MTOR: variants seen among roughly 807,000 people sequenced by gnomAD.
MTOR encodes the protein mechanistic target of rapamycin kinase.
Under a neutral mutation model 319.8 loss-of-function variants are expected in MTOR, and 70 were observed. That is an observed-to-expected ratio of 0.22 (90% CI 0.18 to 0.27). MTOR has a LOEUF of 0.27. MTOR is among the 10% of genes least tolerant of loss of function. MTOR has a pLI of 1.00. For missense variants in MTOR, 1,890 were observed against 3,274.4 expected, an observed-to-expected ratio of 0.58 and a Z score of 10.32; for synonymous variants, 1,183 against 1,211.4, an observed-to-expected ratio of 0.98 and a Z score of 0.49.
intron 20 of MTOR, 69 bp downstream of exon 20, chr1:11,216,079 A>G: frequency 8.8e-7 from 1 of 1,141,098 alleles, no homozygotes; most frequent in Non-Finnish European, 1.3e-6. Flanking sequence ...AGTCTATGTC[A>G]TTCAAACTTG....
intron 28 of MTOR, among the ~76,000 whole-genome samples, chr1:11,191,712 T>C (rs1269392333): frequency 6.6e-6 from 1 of 152,234 alleles, no homozygotes; most frequent in Non-Finnish European, 1.5e-5. Context: ...AAGGTTCTTC[T>C]GAGTGTTTTG....
chr1:11,209,181 T>G, intron 25 of MTOR, 131 bp downstream of exon 25: 1 of 1,071,760 alleles, frequency 9.3e-7, no homozygotes, highest in South Asian at 1.6e-5. Context: ...TGATCTAAGT[T>G]CATGGTATCT....
chr1:11,157,993 T>C (rs1644367629), intron 29 of MTOR, among the ~76,000 whole-genome samples: 2 of 152,242 alleles, frequency 1.3e-5, no homozygotes, highest in East Asian at 1.9e-4. Flanking sequence ...AAAGGAGGGA[T>C]TGCATTACCC....
chr1:11,209,601 G>A, intron 24 of MTOR, 143 bp from the exon 25 acceptor site: 1 of 913,418 alleles, frequency 1.1e-6, no homozygotes, highest in Non-Finnish European at 1.7e-6. Flanking sequence ...TGGACAAAAT[G>A]AACCACAGAT....
intron 28 of MTOR, among the ~76,000 whole-genome samples, chr1:11,169,945 G>A (rs554835240): frequency 3.1e-4 from 47 of 152,292 alleles, no homozygotes; most frequent in Non-Finnish European, 5.0e-4. Context: ...ACTTAAGTTA[G>A]GACTAGGAAG....
At chr1:11,250,183 CCG>C (rs1649458774) in intron 6 of MTOR, among the ~76,000 whole-genome samples, 1 of 139,946 alleles carries the variant, frequency 7.1e-6, no homozygotes, top group Non-Finnish European at 1.6e-5. Context: ...GGCTGACCCC[CCG>C]ACCTCCCTCC....
chr1:11,231,101 G>GA, intron 17 of MTOR, 47 bp from the exon 18 acceptor site: 1 of 1,613,674 alleles, frequency 6.2e-7, no homozygotes, highest in Non-Finnish European at 8.5e-7. Flanking sequence ...ATCACAACAT[G>GA]ATTACAACAA....
rs769457706 is a variant in MTOR at position 11,109,625 on chromosome 1, C to T, written c.7447+24G>A. 5.6e-6 allele frequency: 9 copies of T among 1,603,440 alleles called. No homozygotes were observed. Among genetic ancestry groups the T allele is most frequent in the South Asian group, 1.1e-5 (1 of 90,886 alleles). Reference sequence around the variant, plus strand: ...TTTCTTAATGAGCTAGTCACTGGTGCGGTTCCTCAGAGGCTGAACTTACTG... The same window carrying T: ...TTTCTTAATGAGCTAGTCACTGGTGTGGTTCCTCAGAGGCTGAACTTACTG... On this transcript the variant is annotated intron_variant, in intron 55 of 57. Coordinates refer to ENST00000361445, the MANE Select transcript of MTOR (RefSeq NM_004958.4). The surrounding 1 kb of genome is among the most constrained non-coding windows in gnomAD (Gnocchi z 4.0).
At chr1:11,132,714 A>T (rs971196021) in intron 38 of MTOR, 1 of 174,870 alleles carries the variant, frequency 5.7e-6, no homozygotes, top group South Asian at 1.8e-4. Context: ...CAAGGATGCA[A>T]ATCAGAAAAA....
chr1:11,111,986 A>AAAC (rs1557737305), intron 54 of MTOR, among the ~76,000 whole-genome samples: 5 of 152,092 alleles, frequency 3.3e-5, no homozygotes, highest in Admixed American at 6.6e-5. Context: ...AAACAAAAAA[A>AAAC]CCCCCCAAAA....
chr1:11,188,180 C>T (rs12122678), intron 28 of MTOR, among the ~76,000 whole-genome samples: 8,990 of 152,212 alleles, frequency 0.059, 376 homozygotes, highest in South Asian at 0.12. Flanking sequence ...AACATGGAAA[C>T]AGCAATCGTA....
At chr1:11,254,910 G>A (rs1027927495) in intron 5 of MTOR, among the ~76,000 whole-genome samples, 12 of 151,896 alleles carry the variant, frequency 7.9e-5, no homozygotes, top group Non-Finnish European at 1.3e-4. Flanking sequence ...GACCACAGGC[G>A]TGTAACACCA....
At chr1:11,204,303 C>T (rs1557840257) in intron 26 of MTOR, among the ~76,000 whole-genome samples, 2 of 152,084 alleles carry the variant, frequency 1.3e-5, no homozygotes, top group South Asian at 2.1e-4. Flanking sequence ...TACACAGTTG[C>T]TTTTAGAGTT....
chr1:11,108,814 G>T (rs997350749), intron 56 of MTOR, among the ~76,000 whole-genome samples: 9 of 151,728 alleles, frequency 5.9e-5, no homozygotes, highest in African/African-American at 2.2e-4. Context: ...GCCCAACATG[G>T]TGAAACCCCA....
chr1:11,166,884 G>T (rs190839133), intron 29 of MTOR, among the ~76,000 whole-genome samples: 50 of 152,246 alleles, frequency 3.3e-4, no homozygotes, highest in African/African-American at 1.1e-3. Context: ...AGAAAATGTG[G>T]CACATATACA....
rs767987387 is a variant in MTOR, at chr1:11,109,801, C to T, written c.7367-72G>A. 3 of 1,301,372 alleles carry T rather than the reference C, an allele frequency of 2.3e-6. No individual in the cohort carries two copies. Among genetic ancestry groups the T allele is most frequent in the Non-Finnish European group, 3.3e-6 (3 of 897,842 alleles). The allele number at this position is 1,301,372 out of a possible 1,614,324, so 80.6% of individuals were successfully genotyped here. A position where few individuals can be genotyped will look rare whatever the true frequency, so the allele number is the denominator to read the frequency against. Reference sequence around the variant, plus strand: ...CCACTGTTGGTGTTAGCATCTAATTCTCTACGCACTCTATTCCTTTAACGC... The same window carrying T: ...CCACTGTTGGTGTTAGCATCTAATTTTCTACGCACTCTATTCCTTTAACGC... On this transcript the variant is annotated intron_variant, in intron 54 of 57. Coordinates refer to ENST00000361445, the MANE Select transcript of MTOR (RefSeq NM_004958.4). The surrounding 1 kb of genome is among the most constrained non-coding windows in gnomAD (Gnocchi z 4.0).
intron 29 of MTOR, among the ~76,000 whole-genome samples, chr1:11,162,307 G>A (rs1644502220): frequency 6.6e-6 from 1 of 152,236 alleles, no homozygotes; most frequent in African/African-American, 2.4e-5. Context: ...ACGTCTGACT[G>A]GTGTACCTGA....
At chr1:11,193,521 C>T (rs1645634694) in intron 28 of MTOR, 1 of 1,497,394 alleles carries the variant, frequency 6.7e-7, no homozygotes, top group Admixed American at 2.1e-5. Context: ...GAAGCCTGCC[C>T]TCTTGCTCCT....
At chr1:11,175,746 G>GTTT (rs34392850) in intron 28 of MTOR, among the ~76,000 whole-genome samples, 2 of 137,310 alleles carry the variant, frequency 1.5e-5, no homozygotes, top group South Asian at 2.4e-4. Context: ...TCCCTAGCAG[G>GTTT]TTTTTTTTTT....
Sources: gnomAD v4.1 joint callset for allele counts (sites outside exome capture counted in the v4.1 genomes callset) on GRCh38, gnomAD v4.1.1 for gene constraint, Gnocchi (gnomAD v3.1) non-coding constraint, MANE v1.5 for transcripts, NCBI Gene and HGNC (gene_info 2026-07-23, HGNC 2026-07-21) for gene names.